Variants in SWT1 observed in about 807,000 individuals in gnomAD.
The protein encoded by SWT1 is SWT1 RNA endoribonuclease homolog.
In SWT1, 33 loss-of-function variants were observed where a neutral mutation model predicts 107.3. The ratio of observed to expected loss-of-function variants is 0.31; its 90% CI spans 0.23 to 0.41. The LOEUF is 0.41. Among genes scored for constraint, SWT1 ranks in the 10% least tolerant of loss-of-function variants. The pLI is 1.00. For missense variants in SWT1, 898 were observed against 1,028.9 expected, an observed-to-expected ratio of 0.87 and a Z score of 1.74; for synonymous variants, 345 against 348.3, an observed-to-expected ratio of 0.99 and a Z score of 0.11.
At chr1:185,164,759 G>GT (rs1434862322) in intron 2 of SWT1, among the ~76,000 whole-genome samples, 1 of 152,196 alleles carries the variant, frequency 6.6e-6, no homozygotes, top group African/African-American at 2.4e-5. Flanking sequence ...AGGGAATGTT[G>GT]TGGCTGGTTT....
chr1:185,200,948 C>G (rs1220127627), intron 10 of SWT1, among the ~76,000 whole-genome samples: 1 of 152,104 alleles, frequency 6.6e-6, no homozygotes, highest in Admixed American at 6.6e-5. Flanking sequence ...GGTGCCCTGC[C>G]CAGAGAGGAG....
At chr1:185,217,302 C>G (rs77609322) in intron 14 of SWT1, among the ~76,000 whole-genome samples, 5 of 152,122 alleles carry the variant, frequency 3.3e-5, no homozygotes, top group Admixed American at 2.0e-4. Flanking sequence ...AGGTGAGCAG[C>G]GAGCAAGCAA....
chr1:185,192,649 C>CTTT (rs869246878), intron 10 of SWT1, among the ~76,000 whole-genome samples: 1 of 139,562 alleles, frequency 7.2e-6, no homozygotes, highest in African/African-American at 2.6e-5. Context: ...TAACGCCTCT[C>CTTT]TTTTTTTTTT....
chr1:185,185,387 T>C lies in SWT1; in HGVS notation c.1429+456T>C, dbSNP rs187704231. 5.6e-4 allele frequency among the ~76,000 whole-genome samples: 85 copies of C among 152,322 alleles called. 1 individual carries two copies. Among genetic ancestry groups the C allele is most frequent in the African/African-American group, 1.9e-3 (81 of 41,584 alleles). ...AAGTAGTGTATAGATTTTCCCCTCATTTAATTTTTTTCAATATTAGTTTCT... is the reference window on the plus strand; with the variant it reads ...AAGTAGTGTATAGATTTTCCCCTCACTTAATTTTTTTCAATATTAGTTTCT... On this transcript the variant is annotated intron_variant, in intron 9 of 18. Coordinates refer to ENST00000367500, the MANE Select transcript of SWT1 (RefSeq NM_017673.7).
At chr1:185,196,623 A>C (rs964580325) in intron 10 of SWT1, among the ~76,000 whole-genome samples, 2 of 152,126 alleles carry the variant, frequency 1.3e-5, no homozygotes, top group African/African-American at 4.8e-5. Flanking sequence ...ATGGGCATGG[A>C]ATGTTTTTCC....
chr1:185,235,949 C>T (rs1660840728), intron 16 of SWT1, among the ~76,000 whole-genome samples: 1 of 152,094 alleles, frequency 6.6e-6, no homozygotes, highest in African/African-American at 2.4e-5. Context: ...TTCACAATTG[C>T]TACAAAGACA....
rs1199999412 is a variant in SWT1 at position 185,271,405 on chromosome 1, T to A, written c.2508+16T>A. The A allele has an allele frequency of 1.6e-6, 2 of 1,268,198 alleles. No individual in the cohort carries two copies. Among genetic ancestry groups the A allele is most frequent in the African/African-American group, 1.5e-5 (1 of 68,030 alleles). 78.6% of individuals were successfully genotyped at this position (1,268,198 alleles called of 1,614,324 possible). On this transcript the variant is annotated intron_variant, in intron 17 of 18. Coordinates refer to ENST00000367500, the MANE Select transcript of SWT1 (RefSeq NM_017673.7). ...CAAGTATGAGGTATGGGAAATATTT[T>A]AAAATATTTATCACATTTCTACTTT...
chr1:185,166,941 C>G (rs1188970173), intron 3 of SWT1, among the ~76,000 whole-genome samples: 2 of 152,074 alleles, frequency 1.3e-5, no homozygotes, highest in Non-Finnish European at 2.9e-5. Context: ...GAGTCTTACT[C>G]TGTTGCCCCA....
At chr1:185,229,467 C>T (rs919839727) in intron 15 of SWT1, among the ~76,000 whole-genome samples, 1 of 151,776 alleles carries the variant, frequency 6.6e-6, no homozygotes, top group African/African-American at 2.4e-5. Flanking sequence ...TTTTAGTGTC[C>T]TCATCCTTTT....
At chr1:185,223,799 C>T (rs749710184) in intron 15 of SWT1, among the ~76,000 whole-genome samples, 22 of 152,192 alleles carry the variant, frequency 1.4e-4, no homozygotes, top group Non-Finnish European at 2.9e-4. Context: ...TCCCTCCTCT[C>T]ACCTTCCACC....
Position 185,204,767 on chromosome 1 carries a change from G to A in SWT1, c.1737G>A (p.Glu579=), listed in dbSNP as rs1464296749. ...STNSGLSILL[E]SIVSDLEKSL... ...ATTCTGGACTGTCCATTCTGCTTGA[G>A]AGCATTGTATCTGATCTTGAAAAAT... is the stretch of plus-strand genomic sequence containing the variant. Residue 579 remains glutamate, a synonymous_variant, in exon 12 of 19, where the codon GAG becomes GAA. Coordinates refer to ENST00000367500, the MANE Select transcript of SWT1 (RefSeq NM_017673.7). The A allele has an allele frequency of 6.3e-7, 1 of 1,599,830 alleles. No individual in the cohort carries two copies. Among genetic ancestry groups the A allele is most frequent in the Non-Finnish European group, 8.5e-7 (1 of 1,173,112 alleles).
chr1:185,160,921 A>G lies in SWT1; in HGVS notation c.80A>G (p.Glu27Gly). ...DTTTSSPNFG[E>G]KDKKERKTPA... is the part of the protein sequence containing the mutation. Reference sequence around the variant, plus strand: ...ACCACCTCATCACCCAATTTTGGTGAAAAAGTAAGAATTTTGATTTACTGA... The same window carrying G: ...ACCACCTCATCACCCAATTTTGGTGGAAAAGTAAGAATTTTGATTTACTGA... The change falls in exon 2 of 19, where the codon GAA becomes GGA. Residue 27 changes from glutamate to glycine, a missense_variant. This residue lies in a region of SWT1 where 382 missense variants were observed against 362.4 expected (regional missense o/e 1.05). Coordinates refer to ENST00000367500, the MANE Select transcript of SWT1 (RefSeq NM_017673.7). 1 of 1,609,682 alleles carries G rather than the reference A, an allele frequency of 6.2e-7. No individual in the cohort carries two copies. Among genetic ancestry groups the G allele is most frequent in the Non-Finnish European group, 8.5e-7 (1 of 1,177,746 alleles).
chr1:185,158,523 T>C (rs1653849361), intron 1 of SWT1, among the ~76,000 whole-genome samples: 2 of 151,718 alleles, frequency 1.3e-5, no homozygotes, highest in Non-Finnish European at 2.9e-5. Context: ...TTTTTTTTTT[T>C]ACTGTCGTTC....
At chr1:185,258,473 T>TTTC (rs1272193452) in intron 16 of SWT1, among the ~76,000 whole-genome samples, 1 of 152,166 alleles carries the variant, frequency 6.6e-6, no homozygotes, top group African/African-American at 2.4e-5. Flanking sequence ...GGGATTCAGC[T>TTTC]TTCTATTTAA....
Position 185,174,435 on chromosome 1 carries a change from T to C in SWT1, c.288T>C (p.Pro96=), listed in dbSNP as rs141212294. The change falls in exon 5 of 19, where the codon CCT becomes CCC. Residue 96 remains proline, a synonymous_variant. Transcript: ENST00000367500. Reference sequence around the variant, plus strand: ...AAATCGGTTCTTCATCCCAAAGACCTATTAAACTCAAAGAAGCATCATATT... The same window carrying C: ...AAATCGGTTCTTCATCCCAAAGACCCATTAAACTCAAAGAAGCATCATATT... ...RPKIGSSSQR[P]IKLKEASYSN... 2.8e-4 allele frequency: 451 copies of C among 1,602,300 alleles called. No homozygotes were observed. Among genetic ancestry groups the C allele is most frequent in the Non-Finnish European group, 3.5e-4 (410 of 1,176,596 alleles).
At chr1:185,231,232 A>G (rs945914586) in intron 15 of SWT1, among the ~76,000 whole-genome samples, 2 of 152,124 alleles carry the variant, frequency 1.3e-5, no homozygotes, top group Non-Finnish European at 2.9e-5. Flanking sequence ...CTGATCTCTA[A>G]TTTTTTTCTT....
At chr1:185,211,883 A>G (rs1448736299) in intron 13 of SWT1, among the ~76,000 whole-genome samples, 1 of 152,222 alleles carries the variant, frequency 6.6e-6, no homozygotes. Flanking sequence ...GCCATAAAAA[A>G]TGATGAGTTC....
intron 15 of SWT1, among the ~76,000 whole-genome samples, chr1:185,223,111 T>C (rs773034086): frequency 3.0e-4 from 46 of 152,240 alleles, no homozygotes; most frequent in Admixed American, 1.6e-3. Context: ...TTTTAATTTT[T>C]TGAGGAACCT....
At chr1:185,270,834 C>T (rs1009672747) in intron 16 of SWT1, among the ~76,000 whole-genome samples, 4 of 152,162 alleles carry the variant, frequency 2.6e-5, no homozygotes, top group Non-Finnish European at 5.9e-5. Flanking sequence ...GCTGATAGTT[C>T]AAGCAATGTT....
Sources: allele counts gnomAD v4.1 joint callset (sites outside exome capture counted in the v4.1 genomes callset), GRCh38; gene constraint gnomAD v4.1.1; regional missense constraint gnomAD v4.1.1; transcripts MANE v1.5; gene names NCBI Gene and HGNC (gene_info 2026-07-23, HGNC 2026-07-21).